The following LDB1 variants were observed in gnomAD, a reference collection of about 807,000 sequenced individuals.
The protein encoded by LDB1 is LIM domain-binding protein 1.
Under a neutral mutation model 49.7 loss-of-function variants are expected in LDB1, and 6 were observed. The ratio of observed to expected loss-of-function variants is 0.12; its 90% CI spans 0.07 to 0.24. LDB1 has a LOEUF of 0.24. Ranked by LOEUF, LDB1 falls within the 10% of genes least tolerant of loss-of-function variation. The pLI is 1.00. For synonymous variants in LDB1, 233 were observed against 202.0 expected (o/e 1.15, Z -1.30); for missense variants, 341 against 561.7 (o/e 0.61, Z 3.97).
At chr10:102,115,447 G>T (rs886953466) in intron 1 of LDB1, among the ~76,000 whole-genome samples, 2 of 152,202 alleles carry the variant, frequency 1.3e-5, no homozygotes, top group African/African-American at 2.4e-5. Context: ...CAGCTGGGGG[G>T]AGAGGCTCCA....
Position 102,107,942 on chromosome 10 carries a change from C to T in LDB1, c.*151G>A. On this transcript the variant is annotated 3_prime_UTR_variant, in exon 11 of 11. Coordinates refer to ENST00000673968, the MANE Select transcript of LDB1 (RefSeq NM_001113407.3). ...GCCACTGGGGGGGCAAATCTTGGCA[C>T]CTGCCCCCAGAGAGTCCAGTTCCTC... 1 of 719,078 alleles carries T rather than the reference C, an allele frequency of 1.4e-6. No homozygotes were observed. Among genetic ancestry groups the T allele is most frequent in the Non-Finnish European group, 2.4e-6 (1 of 420,272 alleles). The allele number at this position is 719,078 out of a possible 1,614,324, so 44.5% of individuals were successfully genotyped here. A position where few individuals can be genotyped will look rare whatever the true frequency, so the allele number is the denominator to read the frequency against.
At chr10:102,116,069 C>A (rs1222448681) in intron 1 of LDB1, among the ~76,000 whole-genome samples, 2 of 152,214 alleles carry the variant, frequency 1.3e-5, no homozygotes, top group African/African-American at 4.8e-5. Context: ...TTTCTTATGA[C>A]ATACTCACTA....
Position 102,109,686 on chromosome 10 carries a change from A to C in LDB1, c.649-3T>G. 1.2e-6 allele frequency: 2 copies of C among 1,613,996 alleles called. No individual in the cohort carries two copies. The highest frequency in any genetic ancestry group is 2.2e-5 in the South Asian group (2 of 91,058). ...TCCAACATCTGGGGGTCTTGGGCCTAGAGTGGGAGAAAAGACAAGAAAGAA... is the reference window on the plus strand; with the variant it reads ...TCCAACATCTGGGGGTCTTGGGCCTCGAGTGGGAGAAAAGACAAGAAAGAA... On this transcript the variant is annotated splice_region_variant and splice_polypyrimidine_tract_variant and intron_variant, in intron 7 of 10. Transcript: ENST00000673968. The surrounding 1 kb of genome is among the most constrained non-coding windows in gnomAD (Gnocchi z 5.8).
intron 1 of LDB1, chr10:102,114,812 G>GGGCCGCC: frequency 1.1e-6 from 1 of 929,816 alleles, no homozygotes; most frequent in Non-Finnish European, 1.3e-6. Context: ...CCTCCGAGCA[G>GGGCCGCC]CCCGCCCGCC....
intron 1 of LDB1, 79 bp downstream of exon 1, chr10:102,120,007 G>T: frequency 1.7e-6 from 2 of 1,186,930 alleles, no homozygotes; most frequent in Non-Finnish European, 2.3e-6. Flanking sequence ...CCCCACACAA[G>T]TTCTCGCCAA....
At position 102,111,478 on chromosome 10, in the gene LDB1, G is replaced by C. The variant is rs775087694; in HGVS notation, c.84C>G (p.Ala28=). 2 of 1,562,660 alleles carry C rather than the reference G, an allele frequency of 1.3e-6. No individual in the cohort carries two copies. Among genetic ancestry groups the C allele is most frequent in the South Asian group, 2.4e-5 (2 of 83,356 alleles). ...YSPKEPPNGN[A]FPPFHPGTML... is the part of the protein sequence containing the mutation. Reference sequence around the variant, plus strand: ...TGGTGCCGGGATGGAAGGGGGGAAAGGCGTTGCCGTTCGGGGGCTCCTTCG... The same window carrying C: ...TGGTGCCGGGATGGAAGGGGGGAAACGCGTTGCCGTTCGGGGGCTCCTTCG... Residue 28 remains alanine, a synonymous_variant, in exon 2 of 11, where the codon GCC becomes GCG. Transcript: ENST00000673968.
At chr10:102,120,592 G>A, upstream of LDB1, 1 of 170,074 alleles carries the variant, frequency 5.9e-6, no homozygotes, top group East Asian at 1.9e-4. Context: ...AGCAAGCGAC[G>A]ACGTGCGTGC....
At chr10:102,108,710 A>G (rs1233660113) in intron 10 of LDB1, among the ~76,000 whole-genome samples, 1 of 152,210 alleles carries the variant, frequency 6.6e-6, no homozygotes, top group Non-Finnish European at 1.5e-5. Context: ...CAAACACTCC[A>G]GTCTGCATGT....
intron 1 of LDB1, chr10:102,114,892 ACACTCG>A (rs1285030519): frequency 8.3e-6 from 8 of 962,610 alleles, no homozygotes; most frequent in Non-Finnish European, 9.8e-6. Flanking sequence ...ACACTCACTC[ACACTCG>A]CACACTCAAA....
chr10:102,107,807 T>G lies in LDB1; in HGVS notation c.*286A>C. The stretch of plus-strand genomic sequence containing the variant: ...AATCTGGGGTGAAGATGGAGGCAAA[T>G]GCCCTGGGGGGTGGTCAGGACATGT... On this transcript the variant is annotated 3_prime_UTR_variant, in exon 11 of 11. Transcript: ENST00000673968. 2.1e-6 allele frequency: 1 copy of G among 478,270 alleles called. No homozygotes were observed. The highest frequency in any genetic ancestry group is 3.8e-6 in the Non-Finnish European group (1 of 265,462). 29.6% of individuals were successfully genotyped at this position (478,270 alleles called of 1,614,324 possible).
Position 102,109,846 on chromosome 10 carries a change from G to C in LDB1, c.648+75C>G. On this transcript the variant is annotated intron_variant, in intron 7 of 10. Transcript: ENST00000673968. This position sits in a 1 kb window ranked among gnomAD's most constrained non-coding sequence, Gnocchi z 5.8. ...AACCCTCTGTCTAAGTAGTCAGTCG[G>C]GAAATGGCAGACCTTGTTCCACCCT... 3 of 1,583,860 alleles carry C rather than the reference G, an allele frequency of 1.9e-6. No homozygotes were observed. In the South Asian group the frequency reaches 3.4e-5, roughly 18 times the overall value.
rs888099283 is a variant in LDB1 at position 102,107,928 on chromosome 10, G to T, written c.*165C>A. 3.0e-6 allele frequency: 2 copies of T among 675,120 alleles called. No homozygotes were observed. The highest frequency in any genetic ancestry group is 2.5e-5 in the Admixed American group (1 of 39,758). The allele number at this position is 675,120 out of a possible 1,614,324, so 41.8% of individuals were successfully genotyped here. The stretch of plus-strand genomic sequence containing the variant: ...AGGCCCAGCCCAGGGCCACTGGGGG[G>T]GCAAATCTTGGCACCTGCCCCCAGA... On this transcript the variant is annotated 3_prime_UTR_variant, in exon 11 of 11. Coordinates refer to ENST00000673968, the MANE Select transcript of LDB1 (RefSeq NM_001113407.3).
rs1348424344 is a variant in LDB1, at chr10:102,117,121, G to C, written c.25+2965C>G. ...CAGGCCTCAAATCACTGTCCTCATG[G>C]GGAGGGGGAAATGTGCTCTGGCTTT... On this transcript the variant is annotated intron_variant, in intron 1 of 10. Coordinates refer to ENST00000673968, the MANE Select transcript of LDB1 (RefSeq NM_001113407.3). This position sits in a 1 kb window ranked among gnomAD's most constrained non-coding sequence, Gnocchi z 4.2. Among the ~76,000 whole-genome samples, 1 of 152,112 alleles carries C rather than the reference G, an allele frequency of 6.6e-6. No individual in the cohort carries two copies. The highest frequency in any genetic ancestry group is 1.5e-5 in the Non-Finnish European group (1 of 68,020).
chr10:102,120,925 C>T (rs143815377), upstream of LDB1, among the ~76,000 whole-genome samples: 2 of 152,302 alleles, frequency 1.3e-5, no homozygotes, highest in Admixed American at 6.5e-5. Flanking sequence ...GAGACGCCAG[C>T]CTTCTTCTGG....
chr10:102,115,929 CAA>C (rs1035277525), intron 1 of LDB1, among the ~76,000 whole-genome samples: 2 of 151,802 alleles, frequency 1.3e-5, no homozygotes, highest in African/African-American at 4.8e-5. Flanking sequence ...CACACACACA[CAA>C]ACACACACAC....
intron 1 of LDB1, among the ~76,000 whole-genome samples, chr10:102,119,431 C>T (rs2068379636): frequency 6.6e-6 from 1 of 152,062 alleles, no homozygotes; most frequent in African/African-American, 2.4e-5. Context: ...AAGTATTGCT[C>T]CCCCAGCTTA....
chr10:102,120,739 C>A (rs1274996252), upstream of LDB1, among the ~76,000 whole-genome samples: 1 of 152,172 alleles, frequency 6.6e-6, no homozygotes, highest in Non-Finnish European at 1.5e-5. Flanking sequence ...GGCGCAGCCG[C>A]GCGCTCGGTG....
In LDB1 at chr10:102,111,150, G is replaced by A. The variant is rs372226516; in HGVS notation, c.174-6C>T. ...TGCCATATGGTGTGTGCCTCCTGGA[G>A]GAAGTGAAGGAGAGAGGTCAGTAGG... On this transcript the variant is annotated splice_polypyrimidine_tract_variant and splice_region_variant and intron_variant, in intron 3 of 10. Transcript: ENST00000673968. The A allele has an allele frequency of 7.4e-6, 12 of 1,613,748 alleles. No homozygotes were observed. The highest frequency in any genetic ancestry group is 1.6e-4 in the Middle Eastern group (1 of 6,082).
intron 10 of LDB1, 31 bp from the exon 11 acceptor site, chr10:102,108,354 C>CGG: frequency 6.3e-7 from 1 of 1,583,286 alleles, no homozygotes; most frequent in Non-Finnish European, 8.7e-7. Flanking sequence ...CAAACATAAT[C>CGG]GGGGCAAGGG....
Sources: gnomAD v4.1 joint callset for allele counts (sites outside exome capture counted in the v4.1 genomes callset) on GRCh38, gnomAD v4.1.1 for gene constraint, Gnocchi (gnomAD v3.1) non-coding constraint, MANE v1.5 for transcripts, NCBI Gene and HGNC (gene_info 2026-07-23, HGNC 2026-07-21) for gene names.